POLN: variants seen among roughly 807,000 people sequenced by gnomAD.
POLN encodes DNA polymerase nu, also known as DNA polymerase N.
In POLN, 108 loss-of-function variants were observed where a neutral mutation model predicts 113.5. That is an observed-to-expected ratio of 0.95 (90% CI 0.81 to 1.12). POLN has a LOEUF of 1.12. Ranked by LOEUF, POLN falls within the 50% of genes most tolerant of loss-of-function variation. The pLI is 0.00. For missense variants in POLN, 1,097 were observed against 1,077.1 expected, an observed-to-expected ratio of 1.02 and a Z score of -0.26; for synonymous variants, 386 against 391.5, an observed-to-expected ratio of 0.99 and a Z score of 0.17.
chr4:2,089,914 CTT>C (rs1424468469), intron 20 of POLN: 4 of 991,842 alleles, frequency 4.0e-6, no homozygotes, highest in Non-Finnish European at 6.3e-6. Context: ...ACAGGAATCT[CTT>C]GACATATCAG....
At chr4:2,143,574 A>G (rs900575436) in intron 16 of POLN, among the ~76,000 whole-genome samples, 2 of 152,202 alleles carry the variant, frequency 1.3e-5, no homozygotes, top group Admixed American at 1.3e-4. Context: ...AAAAATAAAT[A>G]TCTAGGCCTA....
chr4:2,181,627 T>G (rs1733144415), intron 7 of POLN, among the ~76,000 whole-genome samples: 1 of 151,766 alleles, frequency 6.6e-6, no homozygotes, highest in African/African-American at 2.4e-5. Context: ...ATTCAACATA[T>G]GAAATAGGAA....
At chr4:2,139,845 G>T (rs1731951793) in intron 16 of POLN, 1 of 151,064 alleles carries the variant, frequency 6.6e-6, no homozygotes, top group Non-Finnish European at 1.5e-5. Context: ...ATTTATGTGG[G>T]TCCTAATGAA....
At chr4:2,229,043 A>G in intron 3 of POLN, 56 bp downstream of exon 3, 1 of 1,494,234 alleles carries the variant, frequency 6.7e-7, no homozygotes, top group East Asian at 2.3e-5. Context: ...CTTAGTCTTT[A>G]GAACAATTAA....
At chr4:2,145,029 T>G (rs1163061113) in intron 16 of POLN, among the ~76,000 whole-genome samples, 3 of 152,186 alleles carry the variant, frequency 2.0e-5, no homozygotes, top group Non-Finnish European at 4.4e-5. Context: ...ACAGAGGCAT[T>G]ACAAATTACT....
chr4:2,091,813 A>T (rs1730673739), intron 20 of POLN, among the ~76,000 whole-genome samples: 1 of 137,178 alleles, frequency 7.3e-6, no homozygotes, highest in Non-Finnish European at 1.6e-5. Flanking sequence ...GCGCGCTACA[A>T]TTTGACGTTT....
At chr4:2,085,543 C>T (rs1730527647) in intron 21 of POLN, 70 bp downstream of exon 21, 11 of 1,590,994 alleles carry the variant, frequency 6.9e-6, no homozygotes, top group Non-Finnish European at 8.6e-6. Context: ...ACACCAACCA[C>T]GCAGCTGTCC....
intron 19 of POLN, among the ~76,000 whole-genome samples, chr4:2,124,816 A>G (rs1731539478): frequency 2.6e-5 from 4 of 152,120 alleles, no homozygotes; most frequent in Admixed American, 2.6e-4. Flanking sequence ...TGGACCTCGG[A>G]GCCAGGCACA....
In POLN at chr4:2,189,694, G is replaced by A. The variant is rs141873525; in HGVS notation, c.1021+3510C>T. ...TACATGAAGCAATCAAAGAGTCAAT[G>A]CAATCTCTATCAAAATACCAACCAA... On this transcript the variant is annotated intron_variant, in intron 7 of 25. Coordinates refer to ENST00000511885, the MANE Select transcript of POLN (RefSeq NM_181808.4). 2.8e-3 allele frequency among the ~76,000 whole-genome samples: 422 copies of A among 150,588 alleles called. 2 individuals carry two copies. The highest frequency in any genetic ancestry group is 9.5e-3 in the African/African-American group (390 of 40,862).
chr4:2,227,871 T>C (rs1734439087), intron 3 of POLN: 1 of 152,202 alleles, frequency 6.6e-6, no homozygotes, highest in South Asian at 2.1e-4. Context: ...CTGTCAAGTA[T>C]GCACCCTCTA....
intron 7 of POLN, among the ~76,000 whole-genome samples, chr4:2,189,642 C>CAAAAA (rs1238000727): frequency 1.5e-5 from 2 of 134,490 alleles, no homozygotes; most frequent in African/African-American, 5.7e-5. Context: ...CCATCTCAAA[C>CAAAAA]AAAAAAAAAA....
At chr4:2,100,492 T>C (rs548919425) in intron 19 of POLN, among the ~76,000 whole-genome samples, 2 of 152,334 alleles carry the variant, frequency 1.3e-5, no homozygotes, top group East Asian at 3.9e-4. Flanking sequence ...CAGTGGAAGA[T>C]GTGCTGTGCT....
intron 3 of POLN, among the ~76,000 whole-genome samples, chr4:2,224,811 C>T (rs766639112): frequency 2.0e-5 from 3 of 151,972 alleles, no homozygotes; most frequent in Non-Finnish European, 2.9e-5. Flanking sequence ...ATTAGCCAGG[C>T]GTGGTGGCAG....
chr4:2,177,628 C>T (rs540019893), intron 8 of POLN, among the ~76,000 whole-genome samples: 2 of 152,340 alleles, frequency 1.3e-5, no homozygotes, highest in African/African-American at 4.8e-5. Context: ...CTGGGCAAGG[C>T]ACATGTACGT....
chr4:2,079,318 G>T, intron 23 of POLN: 1 of 687,644 alleles, frequency 1.5e-6, no homozygotes, highest in Non-Finnish European at 1.8e-6. Context: ...ACTAGCACAA[G>T]CTGCTCATAT....
chr4:2,189,266 G>C (rs1455392211), intron 7 of POLN, among the ~76,000 whole-genome samples: 1 of 152,204 alleles, frequency 6.6e-6, no homozygotes, highest in Non-Finnish European at 1.5e-5. Context: ...ACTATTTCCT[G>C]CTTACTAGAA....
At chr4:2,200,219 T>A (rs1350350941) in intron 5 of POLN, among the ~76,000 whole-genome samples, 1 of 152,084 alleles carries the variant, frequency 6.6e-6, no homozygotes, top group East Asian at 1.9e-4. Flanking sequence ...CCCAAAAGAA[T>A]CTTGAAAAAG....
intron 2 of POLN, chr4:2,240,518 T>A (rs1734942064): frequency 6.2e-7 from 1 of 1,613,722 alleles, no homozygotes; most frequent in Non-Finnish European, 8.5e-7. Flanking sequence ...TTTTAGTGGC[T>A]TCTTCTTCTT....
chr4:2,171,332 C>T, intron 11 of POLN, 151 bp from the exon 12 acceptor site: 1 of 525,074 alleles, frequency 1.9e-6, no homozygotes. Context: ...GCAGGAGGAT[C>T]ACTTGAGACC....
Sources: allele counts gnomAD v4.1 joint callset (sites outside exome capture counted in the v4.1 genomes callset), GRCh38; gene constraint gnomAD v4.1.1; transcripts MANE v1.5; gene names NCBI Gene and HGNC (gene_info 2026-07-23, HGNC 2026-07-21).